Variants in PCLO observed in about 807,000 individuals in gnomAD.
PCLO encodes the protein protein piccolo.
PCLO carries 82 observed loss-of-function variants against 427.5 expected under a neutral mutation model. The observed-to-expected ratio is 0.19, with a 90% confidence interval of 0.16 to 0.23. The LOEUF (loss-of-function observed/expected upper bound fraction) is 0.23. Ranked by LOEUF, PCLO falls within the 10% of genes least tolerant of loss-of-function variation. The pLI, the probability that PCLO is intolerant of heterozygous loss-of-function variation, is 1.00. For synonymous variants in PCLO, 2,357 were observed against 2,155.4 expected (o/e 1.09, Z -2.59); for missense variants, 6,239 against 6,115.9 (o/e 1.02, Z -0.67).
intron 3 of PCLO, among the ~76,000 whole-genome samples, chr7:82,968,216 T>C (rs972074540): frequency 6.6e-6 from 1 of 152,224 alleles, no homozygotes; most frequent in African/African-American, 2.4e-5. Flanking sequence ...AGGATATATA[T>C]GGATTCATTT....
chr7:82,804,876 C>CT lies in PCLO; in HGVS notation c.14933+811dup, dbSNP rs537917401. Among the ~76,000 whole-genome samples the CT allele has an allele frequency of 4.5e-3, 688 of 152,212 alleles. 3 individuals are homozygous for CT. The highest frequency in any genetic ancestry group is 0.015 in the African/African-American group (609 of 41,536). On this transcript the variant is annotated intron_variant, in intron 21 of 24. Transcript: ENST00000333891. ...AACCAGGTGGTAGACTGCTTTTGCC[C>CT]TGGCGTAAACCCTGGGACCTGGGTG...
intron 14 of PCLO, among the ~76,000 whole-genome samples, chr7:82,839,902 A>AAATAAT (rs374069195): frequency 3.5e-4 from 53 of 151,916 alleles, no homozygotes; most frequent in African/African-American, 1.0e-3. Context: ...TGCTAAAATA[A>AAATAAT]AATAATAATA....
At chr7:83,078,663 C>A (rs1427833270) in intron 3 of PCLO, among the ~76,000 whole-genome samples, 2 of 151,970 alleles carry the variant, frequency 1.3e-5, no homozygotes, top group Non-Finnish European at 2.9e-5. Context: ...TCCCGAGTAG[C>A]TGGGACTACA....
intron 3 of PCLO, among the ~76,000 whole-genome samples, chr7:83,101,733 C>T (rs1790744675): frequency 6.6e-6 from 1 of 152,030 alleles, no homozygotes; most frequent in Non-Finnish European, 1.5e-5. Flanking sequence ...ATAAATCTTC[C>T]AAAATTAACT....
intron 9 of PCLO, among the ~76,000 whole-genome samples, chr7:82,893,736 A>C (rs1009061358): frequency 2.0e-5 from 3 of 152,020 alleles, no homozygotes; most frequent in Admixed American, 6.6e-5. Flanking sequence ...ATATTGATAA[A>C]ATATCTGAAC....
At chr7:82,906,345 T>A (rs1025266177) in intron 8 of PCLO, among the ~76,000 whole-genome samples, 2 of 152,002 alleles carry the variant, frequency 1.3e-5, no homozygotes, top group South Asian at 2.1e-4. Flanking sequence ...AGCATCTGAG[T>A]TTATTAGTAC....
intron 3 of PCLO, among the ~76,000 whole-genome samples, chr7:83,053,639 G>C (rs752512895): frequency 1.5e-4 from 23 of 151,984 alleles, no homozygotes; most frequent in Non-Finnish European, 3.2e-4. Flanking sequence ...ACATTGACCA[G>C]GGAATTGAGC....
intron 3 of PCLO, among the ~76,000 whole-genome samples, chr7:82,986,250 A>G (rs531025184): frequency 3.0e-4 from 46 of 152,104 alleles, no homozygotes; most frequent in Non-Finnish European, 5.3e-4. Context: ...AGTTATGATC[A>G]TTATATGCAT....
chr7:82,945,119 A>AT (rs943280732), intron 6 of PCLO, among the ~76,000 whole-genome samples: 24 of 150,470 alleles, frequency 1.6e-4, no homozygotes, highest in South Asian at 2.1e-4. Flanking sequence ...GTCTCTTGGG[A>AT]TTTTTTTTTT....
chr7:82,796,356 T>C (rs1791223670), intron 22 of PCLO, among the ~76,000 whole-genome samples: 1 of 152,076 alleles, frequency 6.6e-6, no homozygotes, highest in South Asian at 2.1e-4. Flanking sequence ...ACACCCCAAA[T>C]AGGAGGAGGC....
chr7:82,940,301 C>T (rs771754293), intron 6 of PCLO, among the ~76,000 whole-genome samples: 2 of 152,060 alleles, frequency 1.3e-5, no homozygotes, highest in Non-Finnish European at 2.9e-5. Context: ...CATTTTAATA[C>T]GTGTCACACT....
At chr7:82,893,796 G>A (rs1029085729) in intron 9 of PCLO, among the ~76,000 whole-genome samples, 4 of 151,798 alleles carry the variant, frequency 2.6e-5, no homozygotes, top group Admixed American at 6.6e-5. Context: ...GTTTCTTTCA[G>A]TCTGATTCAA....
At chr7:82,936,190 A>G (rs985182283) in intron 6 of PCLO, among the ~76,000 whole-genome samples, 2 of 151,708 alleles carry the variant, frequency 1.3e-5, no homozygotes, top group Non-Finnish European at 3.0e-5. Flanking sequence ...GTCTCGATAA[A>G]TTTTAAAAGG....
chr7:82,892,979 C>A (rs1049488001), intron 9 of PCLO, among the ~76,000 whole-genome samples: 1 of 152,124 alleles, frequency 6.6e-6, no homozygotes, highest in Admixed American at 6.6e-5. Context: ...GTTGGTGGGA[C>A]TGTAAACTGT....
At chr7:82,920,701 A>G (rs537020526) in intron 6 of PCLO, among the ~76,000 whole-genome samples, 55 of 151,860 alleles carry the variant, frequency 3.6e-4, no homozygotes, top group African/African-American at 1.3e-3. Context: ...TGGCAAAGGA[A>G]ATTTTGCTTG....
At chr7:83,128,795 T>G (rs1170228058) in intron 3 of PCLO, among the ~76,000 whole-genome samples, 1 of 152,132 alleles carries the variant, frequency 6.6e-6, no homozygotes, top group East Asian at 1.9e-4. Context: ...GATAAATCAT[T>G]TGAACATTGA....
intron 10 of PCLO, among the ~76,000 whole-genome samples, chr7:82,854,843 G>C (rs148021880): frequency 0.017 from 2,633 of 152,164 alleles, 27 homozygotes; most frequent in Middle Eastern, 0.037. Context: ...CTCAAATTTT[G>C]TGAAGAACAA....
At chr7:83,006,630 CCTT>C (rs1337156452) in intron 3 of PCLO, among the ~76,000 whole-genome samples, 1 of 151,352 alleles carries the variant, frequency 6.6e-6, no homozygotes, top group Non-Finnish European at 1.5e-5. Context: ...TGAGTATACT[CCTT>C]CTTTTCATTT....
In PCLO at chr7:82,916,856, G is replaced by A; in HGVS notation, c.11130C>T (p.Thr3710=). The A allele has an allele frequency of 6.2e-7, 1 of 1,612,478 alleles. No homozygotes were observed. The highest frequency in any genetic ancestry group is 8.5e-7 in the Non-Finnish European group (1 of 1,179,016). The change falls in exon 7 of 25, where the codon ACC becomes ACT. Residue 3710 remains threonine (T), a synonymous_variant. Transcript: ENST00000333891. The stretch of plus-strand genomic sequence containing the variant: ...TTTTCTGGGCTCCAGAGGATGTCAT[G>A]GTTTGAGAACCTTTAGTCTATAATC... ...TEGYTTKGSQ[T]MTSSGAQKKV...
Sources: gnomAD v4.1 joint callset for allele counts (sites outside exome capture counted in the v4.1 genomes callset) on GRCh38, gnomAD v4.1.1 for gene constraint, MANE v1.5 for transcripts, NCBI Gene and HGNC (gene_info 2026-07-23, HGNC 2026-07-21) for gene names.